Variants in NDST4 observed in about 807,000 individuals in gnomAD.
NDST4 encodes N-heparan sulfate sulfotransferase 4.
A neutral mutation model predicts 100.8 loss-of-function variants in NDST4; 63 were observed. The ratio of observed to expected loss-of-function variants is 0.62; its 90% CI spans 0.51 to 0.77. NDST4 has a LOEUF of 0.77. NDST4 is among the 30% of genes least tolerant of loss of function. The pLI is 0.00. For missense variants in NDST4, 943 were observed against 1,018.4 expected, an observed-to-expected ratio of 0.93 and a Z score of 1.01; for synonymous variants, 377 against 361.8, an observed-to-expected ratio of 1.04 and a Z score of -0.48.
chr4:115,030,947 C>G (rs1728101213), intron 2 of NDST4, among the ~76,000 whole-genome samples: 2 of 152,110 alleles, frequency 1.3e-5, no homozygotes, highest in Non-Finnish European at 2.9e-5. Context: ...CTGTAAACAA[C>G]TGTAGCCAAT....
At chr4:114,848,170 G>T in intron 9 of NDST4, 45 bp downstream of exon 9, 2 of 1,524,646 alleles carry the variant, frequency 1.3e-6, no homozygotes, top group South Asian at 1.2e-5. Flanking sequence ...TGCAGTGATT[G>T]AGCATGTGTT....
intron 6 of NDST4, among the ~76,000 whole-genome samples, chr4:114,931,299 T>C (rs1725508365): frequency 6.6e-6 from 1 of 151,788 alleles, no homozygotes; most frequent in Non-Finnish European, 1.5e-5. Context: ...AGAGGTGCAG[T>C]CTAAATTCTT....
chr4:115,088,642 A>C, intron 1 of NDST4, among the ~76,000 whole-genome samples: 1 of 147,988 alleles, frequency 6.8e-6, no homozygotes. Flanking sequence ...TCTCACCCCC[A>C]CTCCCGCCCC....
At position 115,071,108 on chromosome 4, in the gene NDST4, C is replaced by CA. The variant is rs1265345171; in HGVS notation, c.978+4950dup. Among the ~76,000 whole-genome samples the CA allele has an allele frequency of 3.3e-5, 5 of 150,834 alleles. No individual in the cohort carries two copies. The East Asian group carries it at 9.7e-4, about 29-fold the overall frequency. On this transcript the variant is annotated intron_variant, in intron 2 of 13. Coordinates refer to ENST00000264363, the MANE Select transcript of NDST4 (RefSeq NM_022569.3). Reference sequence around the variant, plus strand: ...CAATAAATAGAGCAAGACTCCATTTCAAAAAATACTAATAATGAAAATAAA... The same window carrying CA: ...CAATAAATAGAGCAAGACTCCATTTCAAAAAAATACTAATAATGAAAATAAA...
At chr4:115,022,039 T>G (rs1022391224) in intron 2 of NDST4, among the ~76,000 whole-genome samples, 1 of 152,042 alleles carries the variant, frequency 6.6e-6, no homozygotes, top group African/African-American at 2.4e-5. Context: ...TATCTCTATG[T>G]TCCATATCTC....
chr4:114,901,028 T>C (rs1039755974), intron 6 of NDST4, among the ~76,000 whole-genome samples: 2 of 148,614 alleles, frequency 1.3e-5, no homozygotes, highest in Middle Eastern at 3.4e-3. Context: ...TTTTTTTTTT[T>C]CCTTAAATTC....
intron 7 of NDST4, among the ~76,000 whole-genome samples, chr4:114,869,557 TTCTA>T (rs1286041045): frequency 6.6e-6 from 1 of 152,134 alleles, no homozygotes. Context: ...ATACTTATGC[TTCTA>T]TCTATTTACC....
intron 2 of NDST4, among the ~76,000 whole-genome samples, chr4:114,982,551 C>G (rs556770537): frequency 6.6e-6 from 1 of 152,102 alleles, no homozygotes; most frequent in African/African-American, 2.4e-5. Flanking sequence ...AAAAGCCTAA[C>G]TCATTTGCAT....
Position 114,986,817 on chromosome 4 carries a change from TATATATATATATATA to T in NDST4, c.979-9558_979-9544del, listed in dbSNP as rs1471822299. On this transcript the variant is annotated intron_variant, in intron 2 of 13. Coordinates refer to ENST00000264363, the MANE Select transcript of NDST4 (RefSeq NM_022569.3). ...ACATATATATATATATATATATATA[TATATATATATATATA>T]TTTTAATATACTATTCCTATAAGCT... Among the ~76,000 whole-genome samples the T allele has an allele frequency of 1.0e-3, 130 of 124,870 alleles. 4 individuals are homozygous for T. Among genetic ancestry groups the T allele is most frequent in the Middle Eastern group, 4.6e-3 (1 of 218 alleles). 81.9% of individuals were successfully genotyped at this position (124,870 alleles called of 152,430 possible).
intron 4 of NDST4, among the ~76,000 whole-genome samples, chr4:114,945,772 A>C (rs1229824561): frequency 1.3e-5 from 2 of 152,284 alleles, no homozygotes; most frequent in East Asian, 3.9e-4. Flanking sequence ...GTCAACTTTG[A>C]AAATGATCCT....
rs192271602 is a variant in NDST4, at chr4:114,852,649, T to C, written c.1816+76A>G. ...ATATTTCACAAAGAAAAATCTAATC[T>C]GATAAATCCATATACCAATGTATTT... On this transcript the variant is annotated intron_variant, in intron 8 of 13. Coordinates refer to ENST00000264363, the MANE Select transcript of NDST4 (RefSeq NM_022569.3). The C allele has an allele frequency of 3.7e-5, 28 of 759,484 alleles. No homozygotes were observed. In the Middle Eastern group the frequency reaches 1.1e-3, roughly 29 times the overall value. 47.0% of individuals were successfully genotyped at this position (759,484 alleles called of 1,614,324 possible). A position where few individuals can be genotyped will look rare whatever the true frequency, so the allele number is the denominator to read the frequency against.
chr4:114,839,727 A>G (rs1343847281), intron 10 of NDST4, among the ~76,000 whole-genome samples, 179 bp from the exon 11 acceptor site: 1 of 152,228 alleles, frequency 6.6e-6, no homozygotes, highest in Non-Finnish European at 1.5e-5. Flanking sequence ...AAATAAACTA[A>G]TGAAATGAAA....
chr4:114,932,830 C>T (rs1725542840), intron 6 of NDST4, among the ~76,000 whole-genome samples: 1 of 151,996 alleles, frequency 6.6e-6, no homozygotes, highest in African/African-American at 2.4e-5. Flanking sequence ...AAATTGAAGA[C>T]ACTAACAGAC....
chr4:115,059,169 C>G (rs1728764436), intron 2 of NDST4, among the ~76,000 whole-genome samples: 1 of 151,914 alleles, frequency 6.6e-6, no homozygotes, highest in African/African-American at 2.4e-5. Flanking sequence ...AAGCAATCAA[C>G]TGAATTCTGA....
intron 2 of NDST4, among the ~76,000 whole-genome samples, chr4:114,995,793 A>G (rs1482631588): frequency 1.3e-5 from 2 of 152,096 alleles, no homozygotes; most frequent in Non-Finnish European, 2.9e-5. Context: ...GATGTATTAA[A>G]TGACAACTCA....
rs1404072650 is a variant in NDST4, at chr4:115,008,665, T to G, written c.979-31391A>C. Among the ~76,000 whole-genome samples, 7 of 127,868 alleles carry G rather than the reference T, an allele frequency of 5.5e-5. 1 individual carries two copies. The highest frequency in any genetic ancestry group is 4.0e-4 in the Admixed American group (5 of 12,398). 83.9% of individuals were successfully genotyped at this position (127,868 alleles called of 152,430 possible). On this transcript the variant is annotated intron_variant, in intron 2 of 13. Coordinates refer to ENST00000264363, the MANE Select transcript of NDST4 (RefSeq NM_022569.3). ...CTCTCACCACTCCTATTCAACATAG[T>G]GTTGGAAGTTCTGGCCAGGACAATT...
intron 1 of NDST4, among the ~76,000 whole-genome samples, chr4:115,103,362 T>C (rs1207692224): frequency 6.6e-6 from 1 of 152,170 alleles, no homozygotes; most frequent in East Asian, 1.9e-4. Flanking sequence ...ACAGCTAATA[T>C]GAACCCACAT....
intron 2 of NDST4, among the ~76,000 whole-genome samples, chr4:115,004,809 C>T (rs1442844973): frequency 6.6e-6 from 1 of 152,046 alleles, no homozygotes; most frequent in East Asian, 1.9e-4. Flanking sequence ...AGGGTTTTTC[C>T]TAAATTTTTA....
chr4:115,048,207 G>A (rs898888076), intron 2 of NDST4, among the ~76,000 whole-genome samples: 5 of 151,828 alleles, frequency 3.3e-5, no homozygotes, highest in Non-Finnish European at 5.9e-5. Flanking sequence ...TAGCCATGCA[G>A]ACTTTTTAAG....
Sources: gnomAD v4.1 joint callset for allele counts (sites outside exome capture counted in the v4.1 genomes callset) on GRCh38, gnomAD v4.1.1 for gene constraint, MANE v1.5 for transcripts, NCBI Gene and HGNC (gene_info 2026-07-23, HGNC 2026-07-21) for gene names.